Variants in CCDC93 observed in about 807,000 individuals in gnomAD.
The protein encoded by CCDC93 is CCC complex scaffolding subunit CCDC93.
CCDC93 carries 61 observed loss-of-function variants against 108.2 expected under a neutral mutation model. The observed-to-expected ratio is 0.56, with a 90% CI of 0.46 to 0.70. The LOEUF is 0.70. Among genes scored for constraint, CCDC93 ranks in the 30% least tolerant of loss-of-function variants. CCDC93 has a pLI of 0.00. For synonymous variants in CCDC93, 276 were observed against 260.4 expected (o/e 1.06, Z -0.58); for missense variants, 685 against 764.2 (o/e 0.90, Z 1.22).
chr2:117,973,227 C>G (rs1293062829), intron 11 of CCDC93, among the ~76,000 whole-genome samples: 1 of 152,036 alleles, frequency 6.6e-6, no homozygotes, highest in Non-Finnish European at 1.5e-5. Context: ...GAAAGCAAAG[C>G]TGGATGCTTC....
chr2:117,949,777 A>ACCC, intron 13 of CCDC93: 1 of 985,346 alleles, frequency 1.0e-6, no homozygotes, highest in Non-Finnish European at 1.2e-6. Context: ...ACTTGCAGCC[A>ACCC]CCCCTTCTTG....
Position 117,952,436 on chromosome 2 carries a change from C to A in CCDC93, c.1006-1G>T. On this transcript the variant is annotated splice_acceptor_variant, in intron 12 of 23. Transcript: ENST00000376300. LOFTEE classifies it high-confidence loss of function. Reference sequence around the variant, plus strand: ...GTAGGCTGGTGTGACTTGCTCGCAGCTGTAAATGAAAGATAAAAGACATAT... The same window carrying A: ...GTAGGCTGGTGTGACTTGCTCGCAGATGTAAATGAAAGATAAAAGACATAT... The A allele has an allele frequency of 6.2e-7, 1 of 1,610,258 alleles. No individual in the cohort carries two copies. The highest frequency in any genetic ancestry group is 8.5e-7 in the Non-Finnish European group (1 of 1,176,576).
rs776742174 is a variant in CCDC93, at chr2:118,014,065, G to A, written c.-70C>T. 1.9e-6 allele frequency: 3 copies of A among 1,560,880 alleles called. No homozygotes were observed. The highest frequency in any genetic ancestry group is 2.7e-5 in the African/African-American group (2 of 73,696). On this transcript the variant is annotated 5_prime_UTR_variant, in exon 1 of 24. Transcript: ENST00000376300. ...GTCCGGAGGAAGCTGTCCCTGCCGC[G>A]GAGCTGCTACCGGGGTGGAGTACAA...
intron 3 of CCDC93, among the ~76,000 whole-genome samples, chr2:118,001,644 G>A (rs1445440443): frequency 9.0e-6 from 1 of 111,678 alleles, no homozygotes; most frequent in Non-Finnish European, 1.9e-5. Context: ...AGGTGGGACT[G>A]AGAAGGGAGG....
At chr2:117,963,784 T>C (rs1320569884) in intron 11 of CCDC93, among the ~76,000 whole-genome samples, 1 of 152,218 alleles carries the variant, frequency 6.6e-6, no homozygotes, top group East Asian at 1.9e-4. Context: ...ACAACTCACT[T>C]TTCTGAAATT....
rs1192339839 is a variant in CCDC93 at position 117,917,062 on chromosome 2, C to T, written c.*3281G>A. 6.6e-6 allele frequency: 1 copy of T among 152,330 alleles called. No individual in the cohort carries two copies. The highest frequency in any genetic ancestry group is 1.9e-4 in the East Asian group (1 of 5,194). The allele number at this position is 152,330 out of a possible 1,614,324, so 9.4% of individuals were successfully genotyped here. A position where few individuals can be genotyped will look rare whatever the true frequency, so the allele number is the denominator to read the frequency against. The stretch of plus-strand genomic sequence containing the variant: ...AAGTGTTCTTCCTCAATGCATGTTT[C>T]AACATCTGCACTTCAGAACAAGTGG... On this transcript the variant is annotated 3_prime_UTR_variant, in exon 24 of 24. Transcript: ENST00000376300.
chr2:117,985,868 G>T, intron 7 of CCDC93, 101 bp downstream of exon 7: 1 of 684,728 alleles, frequency 1.5e-6, no homozygotes, highest in Non-Finnish European at 2.5e-6. Context: ...GCTGAAGGCA[G>T]AAACTCAATC....
At chr2:118,006,078 T>C (rs781611935) in intron 3 of CCDC93, among the ~76,000 whole-genome samples, 2 of 152,226 alleles carry the variant, frequency 1.3e-5, no homozygotes, top group Non-Finnish European at 2.9e-5. Context: ...TGCTTCCTGT[T>C]ATTTATAAGA....
chr2:118,003,672 G>T (rs941160194), intron 3 of CCDC93, among the ~76,000 whole-genome samples: 1 of 152,158 alleles, frequency 6.6e-6, no homozygotes, highest in African/African-American at 2.4e-5. Context: ...ACTCTTCGGA[G>T]CCAGCCTACT....
chr2:118,009,335 T>C (rs1429504888), intron 1 of CCDC93, among the ~76,000 whole-genome samples: 1 of 151,968 alleles, frequency 6.6e-6, no homozygotes, highest in Admixed American at 6.5e-5. Context: ...CGTACCACCG[T>C]ACTCCAGCCT....
In CCDC93 at chr2:118,014,001, G is replaced by C. The variant is rs764408005; in HGVS notation, c.-6C>G. On this transcript the variant is annotated 5_prime_UTR_variant, in exon 1 of 24. Transcript: ENST00000376300. ...GGCCCCCTGGGCAACCCCATGATCC[G>C]ACCGGGCTGTCGTAAGGCGAGAGCG... 1 of 1,593,808 alleles carries C rather than the reference G, an allele frequency of 6.3e-7. No homozygotes were observed. The highest frequency in any genetic ancestry group is 8.5e-7 in the Non-Finnish European group (1 of 1,171,622).
intron 11 of CCDC93, among the ~76,000 whole-genome samples, chr2:117,962,212 T>C (rs1287272331): frequency 1.3e-5 from 2 of 152,220 alleles, no homozygotes; most frequent in African/African-American, 4.8e-5. Flanking sequence ...TACAGGGTTC[T>C]CTCCTATATC....
rs1677691243 is a variant in CCDC93 at position 117,916,529 on chromosome 2, T to C, written c.*3814A>G. On this transcript the variant is annotated 3_prime_UTR_variant, in exon 24 of 24. Coordinates refer to ENST00000376300, the MANE Select transcript of CCDC93 (RefSeq NM_019044.5). ...AAATTTTCCTAATAGAGATGCAAAG[T>C]TGCAATGTGGAAAAGCCATTTTATC... 6.6e-6 allele frequency: 1 copy of C among 152,196 alleles called. No individual in the cohort carries two copies. The highest frequency in any genetic ancestry group is 1.5e-5 in the Non-Finnish European group (1 of 68,038). The allele number at this position is 152,196 out of a possible 1,614,324, so 9.4% of individuals were successfully genotyped here.
intron 12 of CCDC93, among the ~76,000 whole-genome samples, chr2:117,957,846 T>C (rs1487213196): frequency 6.6e-6 from 1 of 152,140 alleles, no homozygotes; most frequent in African/African-American, 2.4e-5. Context: ...GGTCTCCCTA[T>C]TAGTCACTCT....
At position 117,918,150 on chromosome 2, in the gene CCDC93, C is replaced by G. The variant is rs1314978370; in HGVS notation, c.*2193G>C. The G allele has an allele frequency of 6.6e-6, 1 of 152,134 alleles. No individual in the cohort carries two copies. The highest frequency in any genetic ancestry group is 2.4e-5 in the African/African-American group (1 of 41,418). The allele number at this position is 152,134 out of a possible 1,614,324, so 9.4% of individuals were successfully genotyped here. A position where few individuals can be genotyped will look rare whatever the true frequency, so the allele number is the denominator to read the frequency against. ...TGGGGCATCTCCTTACCCTATACGG[C>G]TTCACCAAAAAGTCATGTAACATCC... On this transcript the variant is annotated 3_prime_UTR_variant, in exon 24 of 24. Transcript: ENST00000376300.
rs756470025 is a variant in CCDC93, at chr2:117,920,292, A to G, written c.*51T>C. On this transcript the variant is annotated 3_prime_UTR_variant, in exon 24 of 24. Coordinates refer to ENST00000376300, the MANE Select transcript of CCDC93 (RefSeq NM_019044.5). The stretch of plus-strand genomic sequence containing the variant: ...ACCATTTCATGATCTTGTAGGTGAT[A>G]TACGGTGCTTAAAAGTAAAATCAAT... The G allele has an allele frequency of 3.1e-6, 4 of 1,272,878 alleles. No individual in the cohort carries two copies. Among genetic ancestry groups the G allele is most frequent in the South Asian group, 2.4e-5 (2 of 82,490 alleles). The allele number at this position is 1,272,878 out of a possible 1,614,324, so 78.8% of individuals were successfully genotyped here.
intron 13 of CCDC93, among the ~76,000 whole-genome samples, chr2:117,951,925 G>A (rs1679068645): frequency 1.3e-5 from 2 of 152,026 alleles, no homozygotes; most frequent in Admixed American, 1.3e-4. Context: ...GAGATAACTG[G>A]AAATTCTGAA....
chr2:118,006,438 G>A (rs1403799877), intron 3 of CCDC93, among the ~76,000 whole-genome samples: 2 of 152,224 alleles, frequency 1.3e-5, no homozygotes, highest in Non-Finnish European at 2.9e-5. Flanking sequence ...GCCTTACACA[G>A]AGGCAATGGG....
chr2:117,942,337 C>T (rs989936670), intron 18 of CCDC93, among the ~76,000 whole-genome samples: 3 of 152,188 alleles, frequency 2.0e-5, no homozygotes, highest in South Asian at 2.1e-4. Flanking sequence ...ATCGCCATCA[C>T]CTTTCAGCTA....
Sources: allele counts gnomAD v4.1 joint callset (sites outside exome capture counted in the v4.1 genomes callset), GRCh38; gene constraint gnomAD v4.1.1; transcripts MANE v1.5; gene names NCBI Gene and HGNC (gene_info 2026-07-23, HGNC 2026-07-21).